The following BBS9 variants were observed in gnomAD, a reference collection of about 807,000 sequenced individuals.
BBS9 encodes the protein Bardet-Biedl syndrome 9.
BBS9 carries 89 observed loss-of-function variants against 117.7 expected under a neutral mutation model. The ratio of observed to expected loss-of-function variants is 0.76; its 90% CI spans 0.64 to 0.90. The LOEUF (loss-of-function observed/expected upper bound fraction) is 0.90, where lower values mean the gene tolerates loss of function less well. Ranked by LOEUF, BBS9 falls within the 40% of genes least tolerant of loss-of-function variation. BBS9 has a pLI of 0.00. For synonymous variants in BBS9, 379 were observed against 370.9 expected, an observed-to-expected ratio of 1.02 and a Z score of -0.25; for missense variants, 982 against 1,042.2, an observed-to-expected ratio of 0.94 and a Z score of 0.80.
chr7:33,346,057 A>G (rs1256175124), intron 12 of BBS9, among the ~76,000 whole-genome samples: 2 of 152,208 alleles, frequency 1.3e-5, no homozygotes, highest in Non-Finnish European at 2.9e-5. Context: ...CTAAGTCACA[A>G]CTGTCTTTCT....
At chr7:33,278,182 C>T (rs759877703) in intron 9 of BBS9, among the ~76,000 whole-genome samples, 1 of 152,178 alleles carries the variant, frequency 6.6e-6, no homozygotes, top group Non-Finnish European at 1.5e-5. Flanking sequence ...GTTTCACTTT[C>T]GCCCTTTGAG....
At chr7:33,390,834 G>A (rs1250360220) in intron 19 of BBS9, among the ~76,000 whole-genome samples, 1 of 151,834 alleles carries the variant, frequency 6.6e-6, no homozygotes, top group African/African-American at 2.4e-5. Context: ...ATGAAATATT[G>A]TTTCACCAGG....
intron 21 of BBS9, among the ~76,000 whole-genome samples, chr7:33,543,942 C>A (rs1036469640): frequency 6.6e-6 from 1 of 152,104 alleles, no homozygotes; most frequent in Non-Finnish European, 1.5e-5. Flanking sequence ...ATTCAAAGAC[C>A]TTGTCTTCGA....
Position 33,604,980 on chromosome 7 carries a change from G to C in BBS9, c.2632+5G>C, listed in dbSNP as rs1370412416. ...CTGCAGAGACACCCAGGCCTGGTAAGAGACTGGATGGCCTTCACAAGCGTT... is the reference window on the plus strand; with the variant it reads ...CTGCAGAGACACCCAGGCCTGGTAACAGACTGGATGGCCTTCACAAGCGTT... On this transcript the variant is annotated splice_donor_5th_base_variant and intron_variant, in intron 22 of 22. Transcript: ENST00000242067. 6.3e-7 allele frequency: 1 copy of C among 1,596,122 alleles called. No individual in the cohort carries two copies. The highest frequency in any genetic ancestry group is 1.7e-5 in the Admixed American group (1 of 59,930).
chr7:33,251,304 T>G (rs1392407070), intron 5 of BBS9, among the ~76,000 whole-genome samples: 2 of 152,204 alleles, frequency 1.3e-5, no homozygotes, highest in Non-Finnish European at 1.5e-5. Flanking sequence ...TTCCTCTAGT[T>G]CCAGCTCAAA....
chr7:33,434,686 A>G (rs1208769009), intron 19 of BBS9, among the ~76,000 whole-genome samples: 1 of 152,204 alleles, frequency 6.6e-6, no homozygotes, highest in Non-Finnish European at 1.5e-5. Flanking sequence ...TCATAGAACC[A>G]TTTAGTGACT....
intron 19 of BBS9, among the ~76,000 whole-genome samples, chr7:33,448,847 T>G (rs1029676041): frequency 2.6e-5 from 4 of 152,236 alleles, no homozygotes; most frequent in Admixed American, 2.6e-4. Flanking sequence ...TGGCACATAA[T>G]AAGAAAAATA....
At chr7:33,131,618 T>C (rs1789621994) in intron 1 of BBS9, among the ~76,000 whole-genome samples, 1 of 152,190 alleles carries the variant, frequency 6.6e-6, no homozygotes, top group South Asian at 2.1e-4. Context: ...CTGCAAGGTC[T>C]GTTTCCAGAA....
chr7:33,632,793 G>GT (rs943500991), intron 21 of BBS9, among the ~76,000 whole-genome samples: 20 of 151,828 alleles, frequency 1.3e-4, no homozygotes, highest in Non-Finnish European at 1.6e-4. Context: ...AACATTCTTA[G>GT]TTTTTTTTAA....
At chr7:33,614,413 G>A (rs149983021) in intron 21 of BBS9, among the ~76,000 whole-genome samples, 120 of 151,900 alleles carry the variant, frequency 7.9e-4, no homozygotes, top group Middle Eastern at 3.4e-3. Flanking sequence ...TTAAAATTCC[G>A]TCTGTACTTA....
chr7:33,154,221 G>A (rs915840573), intron 3 of BBS9, among the ~76,000 whole-genome samples: 28 of 152,126 alleles, frequency 1.8e-4, no homozygotes, highest in African/African-American at 6.8e-4. Flanking sequence ...TACTAGTAGA[G>A]CAAATGATGA....
At chr7:33,225,146 A>G (rs1463336500) in intron 5 of BBS9, among the ~76,000 whole-genome samples, 2 of 152,160 alleles carry the variant, frequency 1.3e-5, no homozygotes, top group African/African-American at 2.4e-5. Flanking sequence ...TAATAAACTA[A>G]TGGATTTAAA....
In BBS9 at chr7:33,292,551, G is replaced by A. The variant is rs985787443; in HGVS notation, c.1016+18595G>A. 3.3e-5 allele frequency among the ~76,000 whole-genome samples: 5 copies of A among 152,116 alleles called. No homozygotes were observed. In the South Asian group the frequency reaches 1.0e-3, roughly 32 times the overall value. The stretch of plus-strand genomic sequence containing the variant: ...CTATTTGTGGAACATTTATTTCTTT[G>A]TTTAGGTCAAACTTTTTACTGTTTT... On this transcript the variant is annotated intron_variant, in intron 9 of 22. Transcript: ENST00000242067.
At chr7:33,188,360 T>G (rs1181148717) in intron 5 of BBS9, among the ~76,000 whole-genome samples, 1 of 152,202 alleles carries the variant, frequency 6.6e-6, no homozygotes, top group Non-Finnish European at 1.5e-5. Context: ...TTTTCAGACT[T>G]TATAGTGCTT....
In BBS9 at chr7:33,367,873, C is replaced by T; in HGVS notation, c.1789+11C>T. The T allele has an allele frequency of 6.2e-7, 1 of 1,610,860 alleles. No homozygotes were observed. The highest frequency in any genetic ancestry group is 8.5e-7 in the Non-Finnish European group (1 of 1,177,214). ...CTTCCAAAACTTCTCGTAAGTAAAA[C>T]CATGTTATCATTGCTTTTTAAATTT... On this transcript the variant is annotated intron_variant, in intron 17 of 22. Transcript: ENST00000242067.
At chr7:33,261,851 G>A (rs2128320795) in intron 6 of BBS9, among the ~76,000 whole-genome samples, 1 of 152,236 alleles carries the variant, frequency 6.6e-6, no homozygotes, top group East Asian at 1.9e-4. Context: ...AGACATGTAT[G>A]GCACTCTTTC....
At chr7:33,332,158 C>T (rs570401191) in intron 9 of BBS9, among the ~76,000 whole-genome samples, 14 of 148,466 alleles carry the variant, frequency 9.4e-5, no homozygotes, top group African/African-American at 3.1e-4. Flanking sequence ...AGACTTCGAG[C>T]GAACTGATCT....
intron 19 of BBS9, among the ~76,000 whole-genome samples, chr7:33,492,202 C>CAAAAA (rs1563251353): frequency 1.7e-4 from 7 of 41,104 alleles, no homozygotes; most frequent in African/African-American, 1.0e-3. Flanking sequence ...GATTCCACCT[C>CAAAAA]GAAAAAAAAA....
At chr7:33,388,199 C>T in intron 19 of BBS9, 55 bp downstream of exon 19, 3 of 1,581,110 alleles carry the variant, frequency 1.9e-6, no homozygotes, top group Non-Finnish European at 2.6e-6. Flanking sequence ...TTTTTTGTCA[C>T]CCTAGAGTCA....
Sources: allele counts gnomAD v4.1 joint callset (sites outside exome capture counted in the v4.1 genomes callset), GRCh38; gene constraint gnomAD v4.1.1; transcripts MANE v1.5; gene names NCBI Gene and HGNC (gene_info 2026-07-23, HGNC 2026-07-21).